DKK2: variants seen among roughly 807,000 people sequenced by gnomAD.
The protein encoded by DKK2 is dickkopf Wnt signaling pathway inhibitor 2.
DKK2 carries 11 observed loss-of-function variants against 28.1 expected under a neutral mutation model. The observed-to-expected ratio is 0.39, with a 90% CI of 0.25 to 0.65. DKK2 has a LOEUF of 0.65. Among genes scored for constraint, DKK2 ranks in the 30% least tolerant of loss-of-function variants. The pLI, the probability that DKK2 is intolerant of heterozygous loss-of-function variation, is 0.47. For synonymous variants in DKK2, 135 were observed against 126.5 expected, an observed-to-expected ratio of 1.07 and a Z score of -0.45; for missense variants, 326 against 335.5, an observed-to-expected ratio of 0.97 and a Z score of 0.22.
In DKK2 at chr4:106,923,250, T is replaced by G. The variant is rs556434905; in HGVS notation, c.*704A>C. On this transcript the variant is annotated 3_prime_UTR_variant, in exon 4 of 4. Transcript: ENST00000285311. ...GTTTTTGTCTTGTATCAGTTCTTATTAATTACAGGTAAAACTAAAATTTTG... is the reference window on the plus strand; with the variant it reads ...GTTTTTGTCTTGTATCAGTTCTTATGAATTACAGGTAAAACTAAAATTTTG... 1 of 152,362 alleles carries G rather than the reference T, an allele frequency of 6.6e-6. No homozygotes were observed. Among genetic ancestry groups the G allele is most frequent in the Non-Finnish European group, 1.5e-5 (1 of 68,076 alleles). The allele number at this position is 152,362 out of a possible 1,614,324, so 9.4% of individuals were successfully genotyped here.
At chr4:107,031,815 A>G (rs1723879111) in intron 1 of DKK2, among the ~76,000 whole-genome samples, 1 of 152,006 alleles carries the variant, frequency 6.6e-6, no homozygotes, top group South Asian at 2.1e-4. Flanking sequence ...TGTGAATTGC[A>G]AAGCTTGATT....
intron 1 of DKK2, among the ~76,000 whole-genome samples, chr4:107,012,162 T>C (rs541973962): frequency 1.3e-5 from 2 of 151,446 alleles, no homozygotes; most frequent in Non-Finnish European, 1.5e-5. Context: ...ATATCCCATG[T>C]ACATAATATT....
intron 1 of DKK2, among the ~76,000 whole-genome samples, chr4:106,932,069 A>G (rs1560574243): frequency 6.6e-6 from 1 of 152,152 alleles, no homozygotes; most frequent in Non-Finnish European, 1.5e-5. Flanking sequence ...GAATTTTAAG[A>G]AAAAAATTGG....
At chr4:107,021,755 CA>C (rs1275079320) in intron 1 of DKK2, among the ~76,000 whole-genome samples, 2 of 151,972 alleles carry the variant, frequency 1.3e-5, no homozygotes, top group East Asian at 3.9e-4. Flanking sequence ...TTTACGAAGG[CA>C]AAAAAATCAA....
chr4:106,964,171 GC>G (rs1181556912), intron 1 of DKK2, among the ~76,000 whole-genome samples: 41 of 152,196 alleles, frequency 2.7e-4, no homozygotes, highest in African/African-American at 9.4e-4. Flanking sequence ...AGATTATTCA[GC>G]CATAAAAATA....
chr4:106,995,221 TTG>T (rs907492339), intron 1 of DKK2, among the ~76,000 whole-genome samples: 4 of 152,270 alleles, frequency 2.6e-5, no homozygotes, highest in Middle Eastern at 3.4e-3. Flanking sequence ...TATAGAATTT[TTG>T]TTATTCTTTT....
intron 1 of DKK2, among the ~76,000 whole-genome samples, chr4:106,942,472 G>A (rs1473945390): frequency 6.6e-6 from 1 of 151,956 alleles, no homozygotes; most frequent in African/African-American, 2.4e-5. Flanking sequence ...CATTACTCAG[G>A]ATCCCCAGAT....
intron 1 of DKK2, among the ~76,000 whole-genome samples, chr4:106,998,485 CCAA>C: frequency 6.6e-6 from 1 of 152,152 alleles, no homozygotes; most frequent in South Asian, 2.1e-4. Context: ...GAAATGAATG[CCAA>C]CAAGTAGTTA....
Position 106,954,962 on chromosome 4 carries a change from C to T in DKK2, c.223-29013G>A, listed in dbSNP as rs61521869. Among the ~76,000 whole-genome samples, 21 of 152,214 alleles carry T rather than the reference C, an allele frequency of 1.4e-4. No individual in the cohort carries two copies. In the East Asian group the frequency reaches 3.9e-3, roughly 28 times the overall value. ...TTTCTGAATAATGTACAGGGGTTGC[C>T]CCATTGTGGACAATGACCTCACACA... On this transcript the variant is annotated intron_variant, in intron 1 of 3. Coordinates refer to ENST00000285311, the MANE Select transcript of DKK2 (RefSeq NM_014421.3).
intron 1 of DKK2, among the ~76,000 whole-genome samples, chr4:107,030,329 C>T (rs1723857896): frequency 6.6e-6 from 1 of 151,986 alleles, no homozygotes; most frequent in Non-Finnish European, 1.5e-5. Context: ...CTTTGCTTAC[C>T]TTAAATAGTA....
intron 1 of DKK2, among the ~76,000 whole-genome samples, chr4:106,948,515 G>T (rs1326115395): frequency 2.0e-5 from 3 of 152,120 alleles, no homozygotes; most frequent in African/African-American, 7.2e-5. Context: ...CCAGTTATTT[G>T]GTTAACTCAC....
At chr4:106,965,205 CATAGG>C (rs200178781) in intron 1 of DKK2, among the ~76,000 whole-genome samples, 3,801 of 152,208 alleles carry the variant, frequency 0.025, 62 homozygotes, top group Non-Finnish European at 0.037. Flanking sequence ...TTAAACACCA[CATAGG>C]ATAGAAGTTT....
intron 1 of DKK2, among the ~76,000 whole-genome samples, chr4:107,034,825 C>T (rs545274240): frequency 1.1e-4 from 17 of 152,304 alleles, no homozygotes; most frequent in African/African-American, 4.1e-4. Context: ...CGCCCAGTAT[C>T]TCAATGTCTA....
rs181773698 is a variant in DKK2 at position 106,994,246 on chromosome 4, G to A, written c.222+41124C>T. ...CCAAGACCTCTTGAAGACAAAAGCC[G>A]AGCCTTCAGAGCTTGCCTGCAATGC... On this transcript the variant is annotated intron_variant, in intron 1 of 3. Coordinates refer to ENST00000285311, the MANE Select transcript of DKK2 (RefSeq NM_014421.3). Among the ~76,000 whole-genome samples the A allele has an allele frequency of 1.2e-4, 18 of 152,246 alleles. No individual in the cohort carries two copies. In the East Asian group the frequency reaches 2.5e-3, roughly 21 times the overall value.
At chr4:107,006,827 A>C (rs528149905) in intron 1 of DKK2, among the ~76,000 whole-genome samples, 122 of 152,330 alleles carry the variant, frequency 8.0e-4, no homozygotes, top group African/African-American at 2.8e-3. Context: ...TATTGTTCTC[A>C]ATTTTTGAAT....
intron 1 of DKK2, among the ~76,000 whole-genome samples, chr4:106,944,165 C>G (rs1035044672): frequency 6.6e-6 from 1 of 151,994 alleles, no homozygotes; most frequent in Non-Finnish European, 1.5e-5. Context: ...ACACTTTAGT[C>G]ACAGCAATAT....
At chr4:106,991,650 CCA>C (rs1186496066) in intron 1 of DKK2, among the ~76,000 whole-genome samples, 2 of 152,252 alleles carry the variant, frequency 1.3e-5, no homozygotes, top group South Asian at 2.1e-4. Context: ...GCCCAATTTG[CCA>C]CAGTGTTTTC....
intron 1 of DKK2, among the ~76,000 whole-genome samples, chr4:106,958,210 A>G (rs1160548899): frequency 6.6e-6 from 1 of 151,430 alleles, no homozygotes; most frequent in South Asian, 2.1e-4. Context: ...GAGCATTATT[A>G]ATAATAAAAA....
chr4:107,019,570 C>G (rs532992800), intron 1 of DKK2, among the ~76,000 whole-genome samples: 1 of 152,046 alleles, frequency 6.6e-6, no homozygotes, highest in East Asian at 1.9e-4. Flanking sequence ...TATCTAGTCA[C>G]ATTAATGCTG....
Sources: allele counts gnomAD v4.1 joint callset (sites outside exome capture counted in the v4.1 genomes callset), GRCh38; gene constraint gnomAD v4.1.1; transcripts MANE v1.5; gene names NCBI Gene and HGNC (gene_info 2026-07-23, HGNC 2026-07-21).